Variants in ADCY2 observed in about 807,000 individuals in gnomAD.
ADCY2 encodes the protein adenylate cyclase type 2.
In ADCY2, 31 loss-of-function variants were observed where a neutral mutation model predicts 125.2. That is an observed-to-expected ratio of 0.25 (90% CI 0.19 to 0.33). ADCY2 has a LOEUF of 0.33. Ranked by LOEUF, ADCY2 falls within the 10% of genes least tolerant of loss-of-function variation. ADCY2 has a pLI of 1.00. For synonymous variants in ADCY2, 512 were observed against 548.4 expected, an observed-to-expected ratio of 0.93 and a Z score of 0.93; for missense variants, 904 against 1,418.2, an observed-to-expected ratio of 0.64 and a Z score of 5.82.
chr5:7,710,982 T>C (rs2126362524), intron 10 of ADCY2, among the ~76,000 whole-genome samples: 1 of 152,300 alleles, frequency 6.6e-6, no homozygotes, highest in East Asian at 1.9e-4. Context: ...ATGCCATTAA[T>C]TGAGATGACA....
chr5:7,546,745 G>T (rs755734565), intron 3 of ADCY2, among the ~76,000 whole-genome samples: 3 of 152,154 alleles, frequency 2.0e-5, no homozygotes, highest in Non-Finnish European at 4.4e-5. Context: ...CCGTCCGTGG[G>T]CTGTGCCTTC....
chr5:7,455,826 T>A (rs1324902872), intron 2 of ADCY2, among the ~76,000 whole-genome samples: 9 of 145,718 alleles, frequency 6.2e-5, no homozygotes, highest in Admixed American at 4.9e-4. Context: ...TTAATTATAA[T>A]GGCATACTAC....
rs1286525625 is a variant in ADCY2, at chr5:7,396,256, C to G, written c.-41C>G. The G allele has an allele frequency of 1.6e-5, 16 of 1,022,384 alleles. No homozygotes were observed. The highest frequency in any genetic ancestry group is 1.8e-5 in the Non-Finnish European group (15 of 854,620). 63.3% of individuals were successfully genotyped at this position (1,022,384 alleles called of 1,614,324 possible). ...GGCGGCCGCGGCGAGCGGCGCTGCC[C>G]GGGCCGGGCGCGCACGGCGGGCGCC... On this transcript the variant is annotated 5_prime_UTR_variant, in exon 1 of 25. Coordinates refer to ENST00000338316, the MANE Select transcript of ADCY2 (RefSeq NM_020546.3). This position sits in a 1 kb window ranked among gnomAD's most constrained non-coding sequence, Gnocchi z 5.7.
rs962423285 is a variant in ADCY2, at chr5:7,826,524, A to G, written c.3124-195A>G. ...GTTGTTTCCAGTTTTTCACTATCCC[A>G]GCGCTGAATTAAACAACATTGTCCT... On this transcript the variant is annotated intron_variant, in intron 24 of 24. Transcript: ENST00000338316. The G allele has an allele frequency of 5.7e-6, 4 of 698,946 alleles. No homozygotes were observed. The African/African-American group carries it at 6.1e-5, about 11-fold the overall frequency. The allele number at this position is 698,946 out of a possible 1,614,324, so 43.3% of individuals were successfully genotyped here.
chr5:7,503,081 T>C (rs1743656526), intron 2 of ADCY2, among the ~76,000 whole-genome samples: 1 of 152,160 alleles, frequency 6.6e-6, no homozygotes, highest in Non-Finnish European at 1.5e-5. Flanking sequence ...TTGCTCCCCT[T>C]GTATCCAGTG....
intron 2 of ADCY2, among the ~76,000 whole-genome samples, chr5:7,439,529 TACACACACACAC>T (rs66460653): frequency 6.1e-5 from 9 of 148,710 alleles, no homozygotes; most frequent in South Asian, 2.2e-4. Flanking sequence ...TGGGTTAAGA[TACACACACACAC>T]ACACACACAC....
chr5:7,425,566 C>T (rs925607173), intron 2 of ADCY2, among the ~76,000 whole-genome samples: 1 of 152,228 alleles, frequency 6.6e-6, no homozygotes, highest in African/African-American at 2.4e-5. Context: ...AAAATAAATT[C>T]AGAGTTTAAA....
intron 4 of ADCY2, among the ~76,000 whole-genome samples, chr5:7,654,783 A>G (rs1739262782): frequency 6.6e-6 from 1 of 152,196 alleles, no homozygotes; most frequent in Non-Finnish European, 1.5e-5. Flanking sequence ...GCGAATGCCC[A>G]GAGGAGTGTA....
At chr5:7,684,018 C>T (rs763894284) in intron 4 of ADCY2, among the ~76,000 whole-genome samples, 1 of 152,222 alleles carries the variant, frequency 6.6e-6, no homozygotes, top group African/African-American at 2.4e-5. Flanking sequence ...CATGGTCTGT[C>T]TTCACCCATT....
chr5:7,733,958 T>G (rs1742176703), intron 14 of ADCY2, among the ~76,000 whole-genome samples: 1 of 152,096 alleles, frequency 6.6e-6, no homozygotes, highest in African/African-American at 2.4e-5. Flanking sequence ...ATATTTAAAT[T>G]CCATTTCCTC....
At chr5:7,805,268 C>A (rs1207549921) in intron 22 of ADCY2, among the ~76,000 whole-genome samples, 1 of 152,062 alleles carries the variant, frequency 6.6e-6, no homozygotes, top group East Asian at 1.9e-4. Context: ...TTGCAGTGAA[C>A]TGAGATCGCA....
chr5:7,821,218 AG>A (rs1200930557), intron 24 of ADCY2, among the ~76,000 whole-genome samples: 5 of 152,260 alleles, frequency 3.3e-5, no homozygotes, highest in Non-Finnish European at 5.9e-5. Context: ...CAGTGGTTGG[AG>A]AAAACTAAAA....
At chr5:7,526,970 G>A (rs1013616233) in intron 3 of ADCY2, among the ~76,000 whole-genome samples, 15 of 152,016 alleles carry the variant, frequency 9.9e-5, no homozygotes, top group African/African-American at 3.4e-4. Context: ...GTAAATTCAT[G>A]ATTAAGTAGA....
chr5:7,520,595 G>C (rs1005877613), intron 2 of ADCY2, 143 bp from the exon 3 acceptor site: 4 of 847,420 alleles, frequency 4.7e-6, no homozygotes, highest in Non-Finnish European at 7.2e-6. Flanking sequence ...TATTTGCATC[G>C]ACTGCCCTAT....
intron 2 of ADCY2, among the ~76,000 whole-genome samples, chr5:7,482,448 A>G (rs75269004): frequency 0.017 from 2,517 of 152,202 alleles, 73 homozygotes; most frequent in African/African-American, 0.057. Flanking sequence ...AAATAGTCCT[A>G]TTAGTCTATT....
At chr5:7,439,054 T>C (rs1740911058) in intron 2 of ADCY2, among the ~76,000 whole-genome samples, 1 of 152,232 alleles carries the variant, frequency 6.6e-6, no homozygotes, top group Non-Finnish European at 1.5e-5. Context: ...TGCATTTCTC[T>C]GTTGTTGGTG....
intron 4 of ADCY2, among the ~76,000 whole-genome samples, chr5:7,647,466 T>C (rs1233166932): frequency 6.6e-6 from 1 of 152,116 alleles, no homozygotes; most frequent in Non-Finnish European, 1.5e-5. Flanking sequence ...CCTGTGTGCT[T>C]GCAGAGGTTC....
intron 3 of ADCY2, among the ~76,000 whole-genome samples, chr5:7,615,164 C>G (rs1051599795): frequency 1.3e-5 from 2 of 152,216 alleles, no homozygotes; most frequent in East Asian, 3.9e-4. Context: ...GAAATCTGCC[C>G]CCATGGTCCA....
At chr5:7,570,341 C>T (rs1736029148) in intron 3 of ADCY2, among the ~76,000 whole-genome samples, 1 of 152,202 alleles carries the variant, frequency 6.6e-6, no homozygotes, top group South Asian at 2.1e-4. Flanking sequence ...AATATTTTAA[C>T]ATCCTATAAT....
Sources: allele counts gnomAD v4.1 joint callset (sites outside exome capture counted in the v4.1 genomes callset), GRCh38; gene constraint gnomAD v4.1.1; non-coding constraint Gnocchi (gnomAD v3.1); transcripts MANE v1.5; gene names NCBI Gene and HGNC (gene_info 2026-07-23, HGNC 2026-07-21).